Variants in SMS observed in about 807,000 individuals in gnomAD.
SMS encodes spermine synthase, also known as spermidine aminopropyltransferase.
Under a neutral mutation model 33.0 loss-of-function variants are expected in SMS, and 3 were observed. The ratio of observed to expected loss-of-function variants is 0.09; its 90% CI spans 0.04 to 0.23. SMS has a LOEUF of 0.23. Among genes scored for constraint, SMS ranks in the 10% least tolerant of loss-of-function variants. The pLI is 1.00. For missense variants in SMS, 117 were observed against 288.6 expected (o/e 0.41, Z 4.31); for synonymous variants, 103 against 112.2 (o/e 0.92, Z 0.52).
intron 1 of SMS, among the ~76,000 whole-genome samples, chrX:21,944,266 C>G (rs1185217131): frequency 2.7e-5 from 3 of 111,302 alleles, no homozygotes; most frequent in Non-Finnish European, 1.9e-5. Context: ...GCCCGAAAAA[C>G]ATTTTGTGAC....
intron 1 of SMS, among the ~76,000 whole-genome samples, chrX:21,947,647 G>A (rs971462807): frequency 1.8e-5 from 2 of 111,115 alleles, no homozygotes; most frequent in Non-Finnish European, 3.8e-5. Context: ...ATTTGTCTCC[G>A]TTTGGGGATG....
At chrX:21,941,004 C>A (rs1053832454) in intron 1 of SMS, 131 bp downstream of exon 1, 16 of 187,790 alleles carry the variant, frequency 8.5e-5, no homozygotes, top group Non-Finnish European at 1.1e-4. Flanking sequence ...GCCGCACTCT[C>A]CCGGACTGCC....
At chrX:21,951,861 T>C (rs1467560191) in intron 1 of SMS, among the ~76,000 whole-genome samples, 1 of 111,373 alleles carries the variant, frequency 9.0e-6, no homozygotes, top group Non-Finnish European at 1.9e-5. Flanking sequence ...TAGTGGTTTG[T>C]GCATTTGTCT....
intron 2 of SMS, 114 bp from the exon 3 acceptor site, chrX:21,971,783 T>C (rs1177897055): frequency 1.8e-6 from 1 of 549,884 alleles, no homozygotes; most frequent in Non-Finnish European, 3.2e-6. Flanking sequence ...CTGTATACTT[T>C]TGGGGAAATA....
At chrX:21,941,758 G>T (rs778364310) in intron 1 of SMS, among the ~76,000 whole-genome samples, 2 of 107,174 alleles carry the variant, frequency 1.9e-5, no homozygotes, top group African/African-American at 3.4e-5. Flanking sequence ...GGTGGCACGC[G>T]CCTGTAATCC....
Position 21,979,963 on chromosome X carries a change from A to C in SMS, c.750+997A>C, listed in dbSNP as rs779178499. ...AAAAAAAAATCTTAATAAAAAAAAA[A>C]ACCTTAATAATAATAATAAAAAAGA... On this transcript the variant is annotated intron_variant, in intron 7 of 10. Coordinates refer to ENST00000404933, the MANE Select transcript of SMS (RefSeq NM_004595.5). Among the ~76,000 whole-genome samples the C allele has an allele frequency of 1.8e-4, 20 of 108,702 alleles. No homozygotes were observed. In the East Asian group the frequency reaches 2.0e-3, roughly 11 times the overall value. 94.4% of individuals were successfully genotyped at this position (108,702 alleles called of 115,157 possible). A position where few individuals can be genotyped will look rare whatever the true frequency, so the allele number is the denominator to read the frequency against.
At chrX:21,944,834 C>T (rs181740184) in intron 1 of SMS, among the ~76,000 whole-genome samples, 7 of 110,597 alleles carry the variant, frequency 6.3e-5, no homozygotes, top group African/African-American at 2.0e-4. Context: ...AAAAATCAGC[C>T]GGGTGTTGGT....
chrX:21,943,656 A>G (rs1348926212), intron 1 of SMS, among the ~76,000 whole-genome samples: 2 of 110,875 alleles, frequency 1.8e-5, no homozygotes, highest in South Asian at 3.9e-4. Context: ...GAATGTGTGT[A>G]TGTATGCATC....
At chrX:21,956,212 T>C (rs1487814335) in intron 1 of SMS, among the ~76,000 whole-genome samples, 3 of 112,341 alleles carry the variant, frequency 2.7e-5, no homozygotes, top group African/African-American at 9.7e-5. Context: ...TGGTGTTGTG[T>C]TTTTCTTCTG....
intron 1 of SMS, chrX:21,941,076 G>T (rs906322367): frequency 9.0e-6 from 1 of 110,705 alleles, no homozygotes; most frequent in East Asian, 2.9e-4. Context: ...GCTCCTGCTG[G>T]CTCCGCGCTC....
chrX:21,960,191 A>G (rs1449375429), intron 1 of SMS, among the ~76,000 whole-genome samples: 1 of 110,826 alleles, frequency 9.0e-6, no homozygotes, highest in Non-Finnish European at 1.9e-5. Flanking sequence ...GCATGATGCG[A>G]TGATGGGGAT....
At chrX:21,950,483 C>T (rs1049238671) in intron 1 of SMS, among the ~76,000 whole-genome samples, 1 of 99,838 alleles carries the variant, frequency 1.0e-5, no homozygotes, top group East Asian at 3.1e-4. Flanking sequence ...CAGTACAGAA[C>T]GTGCAGGTTT....
At chrX:21,961,807 G>C (rs1923376443) in intron 1 of SMS, among the ~76,000 whole-genome samples, 1 of 112,054 alleles carries the variant, frequency 8.9e-6, no homozygotes, top group African/African-American at 3.2e-5. Context: ...CGCTTTGGAA[G>C]GCTGACTGAT....
intron 1 of SMS, among the ~76,000 whole-genome samples, chrX:21,954,202 A>G (rs371771180): frequency 1.8e-5 from 2 of 112,212 alleles, no homozygotes; most frequent in African/African-American, 3.2e-5. Flanking sequence ...AATGTTCTGA[A>G]GTCCTTGGAC....
intron 1 of SMS, among the ~76,000 whole-genome samples, chrX:21,963,125 C>T (rs1923472988): frequency 3.6e-5 from 4 of 112,261 alleles, no homozygotes; most frequent in Admixed American, 2.8e-4. Context: ...ACTAAGTGAG[C>T]CACCTCATGC....
intron 8 of SMS, among the ~76,000 whole-genome samples, chrX:21,984,925 A>G (rs1014447496): frequency 4.5e-5 from 5 of 111,455 alleles, no homozygotes; most frequent in African/African-American, 6.5e-5. Context: ...TGTCAAATCT[A>G]TTGGTATTTT....
rs1363110380 is a variant in SMS at position 21,994,749 on chromosome X, A to C, written c.*398A>C. ...AGATCTTGATGGTGTTTCTTTCCCC[A>C]AAAATTGACTTAGATATTAAAATTT... is the stretch of plus-strand genomic sequence containing the variant. On this transcript the variant is annotated 3_prime_UTR_variant, in exon 11 of 11. Transcript: ENST00000404933. The C allele has an allele frequency of 5.2e-6, 4 of 762,590 alleles. No homozygotes were observed. Among genetic ancestry groups the C allele is most frequent in the African/African-American group, 2.3e-5 (1 of 43,088 alleles). The allele number at this position is 762,590 out of a possible 1,213,427, so 62.8% of individuals were successfully genotyped here.
intron 1 of SMS, among the ~76,000 whole-genome samples, chrX:21,952,357 A>G (rs1393270660): frequency 1.8e-5 from 2 of 109,699 alleles, no homozygotes; most frequent in South Asian, 3.8e-4. Flanking sequence ...TTTTGCATAA[A>G]TTAATATAAA....
chrX:21,952,685 C>A (rs1245219721), intron 1 of SMS, among the ~76,000 whole-genome samples: 3 of 109,992 alleles, frequency 2.7e-5, no homozygotes, highest in African/African-American at 9.9e-5. Flanking sequence ...GGTGTTAATT[C>A]TTTAAATGTT....
Sources: allele counts gnomAD v4.1 joint callset (sites outside exome capture counted in the v4.1 genomes callset), GRCh38; gene constraint gnomAD v4.1.1; transcripts MANE v1.5; gene names NCBI Gene and HGNC (gene_info 2026-07-23, HGNC 2026-07-21).